FMN2: variants seen among roughly 807,000 people sequenced by gnomAD.
The protein encoded by FMN2 is formin 2, also known as formin-2.
A neutral mutation model predicts 142.3 loss-of-function variants in FMN2; 51 were observed. The ratio of observed to expected loss-of-function variants is 0.36; its 90% CI spans 0.29 to 0.45. FMN2 has a LOEUF of 0.45. Ranked by LOEUF, FMN2 falls within the 20% of genes least tolerant of loss-of-function variation. The pLI is 1.00. For missense variants in FMN2, 1,936 were observed against 2,122.8 expected (o/e 0.91, Z 1.73); for synonymous variants, 882 against 869.8 (o/e 1.01, Z -0.25).
chr1:240,177,361 C>CTTTTTT (rs201779468), intron 2 of FMN2, among the ~76,000 whole-genome samples: 1 of 137,360 alleles, frequency 7.3e-6, no homozygotes. Context: ...CTATTCAATT[C>CTTTTTT]TTTTTTTTTT....
chr1:240,424,801 C>G (rs1674882184), intron 15 of FMN2, among the ~76,000 whole-genome samples: 3 of 152,148 alleles, frequency 2.0e-5, no homozygotes, highest in Admixed American at 2.0e-4. Flanking sequence ...TCTTAGTTAT[C>G]CATATTCAAA....
At chr1:240,314,057 A>T (rs1429606603) in intron 8 of FMN2, among the ~76,000 whole-genome samples, 1 of 152,188 alleles carries the variant, frequency 6.6e-6, no homozygotes, top group Non-Finnish European at 1.5e-5. Context: ...TGTACATAAA[A>T]AGCTACTAAG....
At chr1:240,241,172 A>G (rs1027825046) in intron 6 of FMN2, among the ~76,000 whole-genome samples, 2 of 151,432 alleles carry the variant, frequency 1.3e-5, no homozygotes, top group African/African-American at 2.4e-5. Flanking sequence ...ACCTAATGCC[A>G]TTTTGTTTCT....
chr1:240,164,408 T>C (rs1000382433), intron 2 of FMN2, among the ~76,000 whole-genome samples: 3 of 152,222 alleles, frequency 2.0e-5, no homozygotes, highest in African/African-American at 4.8e-5. Context: ...TAATACTGTT[T>C]ATATGTTTAG....
rs1432175556 is a variant in FMN2, at chr1:240,148,380, AGAAAGAC to A, written c.1782+25036_1782+25042del. ...GAGAGACAGAGACAGAGAGAGAGAG[AGAAAGAC>A]AGAGAGAAAGACAGAGAGACAGAGA... On this transcript the variant is annotated intron_variant, in intron 2 of 17. Transcript: ENST00000319653. 2.4e-3 allele frequency among the ~76,000 whole-genome samples: 341 copies of A among 144,206 alleles called. 1 individual carries two copies. The highest frequency in any genetic ancestry group is 9.1e-3 in the African/African-American group (320 of 35,116). 94.6% of individuals were successfully genotyped at this position (144,206 alleles called of 152,430 possible).
rs755491434 is a variant in FMN2 at position 240,092,793 on chromosome 1, C to A, written c.684C>A (p.Gly228=). The change falls in exon 1 of 18, where the codon GGC becomes GGA. Residue 228 remains glycine, a synonymous_variant. Coordinates refer to ENST00000319653, the MANE Select transcript of FMN2 (RefSeq NM_020066.5). ...AGCAGCAGCAGCAGCAGCTCCAGGGCGCCGAGGAGCCTGCAGCGCCCCCCA... is the reference window on the plus strand; with the variant it reads ...AGCAGCAGCAGCAGCAGCTCCAGGGAGCCGAGGAGCCTGCAGCGCCCCCCA... The part of the protein sequence containing the change: ...QQQQQQQQLQ[G]AEEPAAPPTA... 6.3e-7 allele frequency: 1 copy of A among 1,595,370 alleles called. No individual in the cohort carries two copies. Among genetic ancestry groups the A allele is most frequent in the Admixed American group, 1.8e-5 (1 of 56,720 alleles).
chr1:240,418,550 T>A (rs540269084), intron 15 of FMN2, among the ~76,000 whole-genome samples: 10 of 152,302 alleles, frequency 6.6e-5, no homozygotes, highest in African/African-American at 1.9e-4. Context: ...TTTTTAAGTT[T>A]CCAAACTTAA....
chr1:240,129,909 T>C (rs1477708441), intron 2 of FMN2, among the ~76,000 whole-genome samples: 2 of 152,190 alleles, frequency 1.3e-5, no homozygotes, highest in East Asian at 3.8e-4. Context: ...TTAATATTGC[T>C]ATTTTGAGTT....
chr1:240,427,733 G>C (rs1318979825), intron 15 of FMN2, among the ~76,000 whole-genome samples: 1 of 152,000 alleles, frequency 6.6e-6, no homozygotes, highest in Non-Finnish European at 1.5e-5. Context: ...ACGATCCTCT[G>C]TCTTGTATTT....
intron 8 of FMN2, among the ~76,000 whole-genome samples, chr1:240,295,544 C>T (rs1216227858): frequency 6.9e-6 from 1 of 144,146 alleles, no homozygotes; most frequent in African/African-American, 2.5e-5. Context: ...TAGCTTATTT[C>T]ACTTAGCATT....
chr1:240,143,759 T>C, intron 2 of FMN2: 1 of 1,520,606 alleles, frequency 6.6e-7, no homozygotes. Flanking sequence ...CCTGATGGTC[T>C]GAAGGATAGT....
intron 6 of FMN2, among the ~76,000 whole-genome samples, chr1:240,254,233 T>G (rs1039913251): frequency 5.9e-5 from 9 of 151,938 alleles, no homozygotes; most frequent in Non-Finnish European, 1.3e-4. Context: ...GCGCTGGTGT[T>G]GCAGTGGCTA....
intron 16 of FMN2, among the ~76,000 whole-genome samples, chr1:240,455,141 C>T (rs1676196145): frequency 6.6e-6 from 1 of 151,994 alleles, no homozygotes; most frequent in South Asian, 2.1e-4. Flanking sequence ...TCTGCACAAC[C>T]TCTTAGCTTA....
intron 1 of FMN2, among the ~76,000 whole-genome samples, chr1:240,115,617 G>A (rs545743489): frequency 4.5e-4 from 69 of 152,104 alleles, no homozygotes; most frequent in Non-Finnish European, 8.7e-4. Flanking sequence ...TGCTGGTTTG[G>A]TGGTTCTTTG....
At chr1:240,197,007 A>G (rs1262878879) in intron 4 of FMN2, among the ~76,000 whole-genome samples, 3 of 152,138 alleles carry the variant, frequency 2.0e-5, no homozygotes, top group Non-Finnish European at 4.4e-5. Context: ...CGAAGAGGTT[A>G]AGTGTCTTTT....
intron 7 of FMN2, among the ~76,000 whole-genome samples, chr1:240,265,678 G>T (rs1467948674): frequency 6.6e-6 from 1 of 152,092 alleles, no homozygotes; most frequent in African/African-American, 2.4e-5. Context: ...TTGAATCTCA[G>T]CTCTGCCACT....
At chr1:240,388,885 G>GT (rs1357854743) in intron 14 of FMN2, among the ~76,000 whole-genome samples, 14 of 150,784 alleles carry the variant, frequency 9.3e-5, no homozygotes, top group African/African-American at 2.7e-4. Context: ...AAAGGGGGGG[G>GT]GTCAAGCATT....
chr1:240,191,368 C>T (rs1665689779), intron 4 of FMN2, among the ~76,000 whole-genome samples: 1 of 152,208 alleles, frequency 6.6e-6, no homozygotes, highest in East Asian at 1.9e-4. Context: ...ATGCTTAAAG[C>T]AAATACAGCT....
At chr1:240,322,727 G>A (rs952257906) in intron 8 of FMN2, among the ~76,000 whole-genome samples, 1 of 152,172 alleles carries the variant, frequency 6.6e-6, no homozygotes, top group African/African-American at 2.4e-5. Context: ...AGGGCACTGT[G>A]GGGGATGGAA....
Sources: gnomAD v4.1 joint callset for allele counts (sites outside exome capture counted in the v4.1 genomes callset) on GRCh38, gnomAD v4.1.1 for gene constraint, MANE v1.5 for transcripts, NCBI Gene and HGNC (gene_info 2026-07-23, HGNC 2026-07-21) for gene names.